Variants in ACOT11 observed in about 807,000 individuals in gnomAD.
ACOT11 encodes the protein acyl-CoA thioesterase 11.
A neutral mutation model predicts 77.5 loss-of-function variants in ACOT11; 69 were observed. The ratio of observed to expected loss-of-function variants is 0.89; its 90% CI spans 0.73 to 1.09. The LOEUF (loss-of-function observed/expected upper bound fraction) is 1.09. ACOT11 is among the 50% of genes least tolerant of loss of function. ACOT11 has a pLI of 0.00. For missense variants in ACOT11, 766 were observed against 813.7 expected (o/e 0.94, Z 0.71); for synonymous variants, 279 against 313.0 (o/e 0.89, Z 1.15).
intron 3 of ACOT11, among the ~76,000 whole-genome samples, chr1:54,590,935 T>C (rs1654691343): frequency 6.6e-6 from 1 of 152,178 alleles, no homozygotes; most frequent in Non-Finnish European, 1.5e-5. Context: ...ATTTATTTAT[T>C]GTATTTTTAG....
intron 3 of ACOT11, among the ~76,000 whole-genome samples, chr1:54,591,781 G>A (rs1006056125): frequency 3.3e-5 from 5 of 152,208 alleles, no homozygotes; most frequent in African/African-American, 1.2e-4. Flanking sequence ...AGTCAACAGA[G>A]TCAGTCTAGA....
downstream of ACOT11, among the ~76,000 whole-genome samples, chr1:54,613,694 C>A (rs1265688886): frequency 6.6e-6 from 1 of 152,174 alleles, no homozygotes; most frequent in Non-Finnish European, 1.5e-5. Context: ...TGTTGCCACC[C>A]ACTGCCCACC....
downstream of ACOT11, chr1:54,614,565 G>A: frequency 1.2e-6 from 1 of 848,016 alleles, no homozygotes; most frequent in South Asian, 2.2e-5. Flanking sequence ...GGAACAGCAT[G>A]TGCAAAGGCT....
chr1:54,607,816 C>A lies in ACOT11; in HGVS notation c.1503-126C>A. ...CATTGGGGCTTTAAGAGTCGATGTG[C>A]CTTGCATCCCCCTGGTGAGGAATCT... is the stretch of plus-strand genomic sequence containing the variant. On this transcript the variant is annotated intron_variant, in intron 14 of 15. Transcript: ENST00000343744. This position sits in a 1 kb window ranked among gnomAD's most constrained non-coding sequence, Gnocchi z 4.5. 2 of 1,296,778 alleles carry A rather than the reference C, an allele frequency of 1.5e-6. No individual in the cohort carries two copies. Among genetic ancestry groups the A allele is most frequent in the East Asian group, 2.4e-5 (1 of 42,104 alleles). The allele number at this position is 1,296,778 out of a possible 1,614,324, so 80.3% of individuals were successfully genotyped here. A position where few individuals can be genotyped will look rare whatever the true frequency, so the allele number is the denominator to read the frequency against.
At chr1:54,570,682 T>TC in intron 1 of ACOT11, among the ~76,000 whole-genome samples, 1 of 20,432 alleles carries the variant, frequency 4.9e-5, no homozygotes, top group Middle Eastern at 0.016. Flanking sequence ...GTGCCTGGCC[T>TC]TTTTTTTTTT....
chr1:54,633,561 C>G (rs1249909609), intron 16 of ACOT11, among the ~76,000 whole-genome samples: 1 of 152,196 alleles, frequency 6.6e-6, no homozygotes, highest in Non-Finnish European at 1.5e-5. Flanking sequence ...AACCTGCAGC[C>G]TGCTAAGTGT....
intron 3 of ACOT11, among the ~76,000 whole-genome samples, chr1:54,589,862 A>G (rs1654643678): frequency 6.6e-6 from 1 of 152,142 alleles, no homozygotes; most frequent in African/African-American, 2.4e-5. Flanking sequence ...GCCGAGGTGG[A>G]CAGATCATGA....
chr1:54,551,096 C>T (rs1311138429), intron 1 of ACOT11, among the ~76,000 whole-genome samples: 3 of 134,118 alleles, frequency 2.2e-5, no homozygotes, highest in South Asian at 2.4e-4. Flanking sequence ...GCTGAGATCA[C>T]ACCACTGCAC....
Position 54,602,774 on chromosome 1 carries a change from G to A in ACOT11, c.1085+50G>A, listed in dbSNP as rs199990303. ...AGAATGTGGATTCGGGGCTGTTCAC[G>A]CTCCGCTGACCCCAGGGCACTCGCT... On this transcript the variant is annotated intron_variant, in intron 10 of 15. Transcript: ENST00000343744. 2,201 of 1,474,864 alleles carry A rather than the reference G, an allele frequency of 1.5e-3. 6 individuals are homozygous for A. Among genetic ancestry groups the A allele is most frequent in the Non-Finnish European group, 1.8e-3 (1,976 of 1,110,920 alleles). 91.4% of individuals were successfully genotyped at this position (1,474,864 alleles called of 1,614,324 possible).
At chr1:54,614,918 C>T, downstream of ACOT11, 1 of 1,562,022 alleles carries the variant, frequency 6.4e-7, no homozygotes, top group Admixed American at 1.8e-5. Flanking sequence ...ATACATGACT[C>T]CCTGGGCAGA....
At chr1:54,585,746 T>C (rs1042186537) in intron 2 of ACOT11, 89 bp from the exon 3 acceptor site, 12 of 1,394,450 alleles carry the variant, frequency 8.6e-6, no homozygotes, top group Non-Finnish European at 1.2e-5. Context: ...CTTGGGCGGC[T>C]GGAGAAGCCT....
intron 1 of ACOT11, among the ~76,000 whole-genome samples, chr1:54,581,278 G>C (rs1165152085): frequency 6.6e-6 from 1 of 152,214 alleles, no homozygotes; most frequent in African/African-American, 2.4e-5. Context: ...TGGATACTGG[G>C]CAGAGGGAGG....
At chr1:54,566,119 G>T (rs1409614798) in intron 1 of ACOT11, among the ~76,000 whole-genome samples, 1 of 152,068 alleles carries the variant, frequency 6.6e-6, no homozygotes, top group Non-Finnish European at 1.5e-5. Context: ...CTGCTTGCTC[G>T]CAGACTCCTT....
intron 15 of ACOT11, among the ~76,000 whole-genome samples, chr1:54,627,728 G>A (rs1397246699): frequency 1.5e-5 from 2 of 134,600 alleles, no homozygotes; most frequent in African/African-American, 2.5e-5. Flanking sequence ...GAAGACACAG[G>A]TTAGAAACCC....
chr1:54,609,190 C>A lies in ACOT11; in HGVS notation c.*78C>A. Reference sequence around the variant, plus strand: ...ACTCACATACAGTGCCTGGAGAAAGCCAAAGACCTTTATTTCTTCCTGCCT... The same window carrying A: ...ACTCACATACAGTGCCTGGAGAAAGACAAAGACCTTTATTTCTTCCTGCCT... On this transcript the variant is annotated 3_prime_UTR_variant, in exon 16 of 16. Transcript: ENST00000343744. 1 of 1,600,098 alleles carries A rather than the reference C, an allele frequency of 6.2e-7. No individual in the cohort carries two copies. Among genetic ancestry groups the A allele is most frequent in the Admixed American group, 1.7e-5 (1 of 58,872 alleles).
At chr1:54,566,185 G>A (rs1249437597) in intron 1 of ACOT11, among the ~76,000 whole-genome samples, 1 of 152,122 alleles carries the variant, frequency 6.6e-6, no homozygotes, top group African/African-American at 2.4e-5. Context: ...GGGCAGGCAT[G>A]GTGGCTCACA....
At chr1:54,617,045 C>T (rs539309336) in intron 15 of ACOT11, among the ~76,000 whole-genome samples, 198 of 152,274 alleles carry the variant, frequency 1.3e-3, no homozygotes, top group Middle Eastern at 6.8e-3. Context: ...AACTGCTTTC[C>T]GGAAAAGTTG....
downstream of ACOT11, chr1:54,612,805 T>A: frequency 1.2e-6 from 1 of 863,452 alleles, no homozygotes; most frequent in Non-Finnish European, 1.9e-6. Context: ...TGGCAGAGCC[T>A]ATTGGATCTA....
intron 1 of ACOT11, among the ~76,000 whole-genome samples, chr1:54,566,795 G>A (rs1653750395): frequency 6.6e-6 from 1 of 152,204 alleles, no homozygotes; most frequent in Admixed American, 6.5e-5. Context: ...GCACCCACGT[G>A]TGGCCTCTTC....
Sources: allele counts gnomAD v4.1 joint callset (sites outside exome capture counted in the v4.1 genomes callset), GRCh38; gene constraint gnomAD v4.1.1; non-coding constraint Gnocchi (gnomAD v3.1); transcripts MANE v1.5; gene names NCBI Gene and HGNC (gene_info 2026-07-23, HGNC 2026-07-21).